Variants in SLC1A7 observed in about 807,000 individuals in gnomAD.
SLC1A7 encodes excitatory amino acid transporter 5.
SLC1A7 carries 40 observed loss-of-function variants against 47.7 expected under a neutral mutation model. That is an observed-to-expected ratio of 0.84 (90% CI 0.65 to 1.09). The LOEUF is 1.09. SLC1A7 is among the 50% of genes least tolerant of loss of function. The pLI is 0.00. For synonymous variants in SLC1A7, 323 were observed against 325.6 expected, an observed-to-expected ratio of 0.99 and a Z score of 0.09; for missense variants, 746 against 769.5, an observed-to-expected ratio of 0.97 and a Z score of 0.36.
chr1:53,090,376 G>A (rs1644406520), intron 8 of SLC1A7: 1 of 620,960 alleles, frequency 1.6e-6, no homozygotes, highest in East Asian at 3.0e-5. Flanking sequence ...TGCCACACGG[G>A]CGGCCTCTCC....
At chr1:53,117,979 T>C (rs1335832382) in intron 2 of SLC1A7, among the ~76,000 whole-genome samples, 1 of 152,132 alleles carries the variant, frequency 6.6e-6, no homozygotes. Context: ...AAGGGAGAGG[T>C]GAGCAGCCGC....
At chr1:53,140,945 A>T (rs1645051017) in intron 1 of SLC1A7, among the ~76,000 whole-genome samples, 1 of 152,184 alleles carries the variant, frequency 6.6e-6, no homozygotes, top group Non-Finnish European at 1.5e-5. Context: ...TTTTAATGGA[A>T]GACAAAGTCT....
At chr1:53,100,261 G>A (rs531378017) in intron 5 of SLC1A7, among the ~76,000 whole-genome samples, 212 of 141,312 alleles carry the variant, frequency 1.5e-3, no homozygotes, top group African/African-American at 5.1e-3. Flanking sequence ...CACACGCACC[G>A]CCTCGGTACA....
chr1:53,131,455 G>A (rs1644941313), intron 2 of SLC1A7, among the ~76,000 whole-genome samples: 1 of 152,258 alleles, frequency 6.6e-6, no homozygotes, highest in Non-Finnish European at 1.5e-5. Context: ...TGCCCAGGCA[G>A]TTAGGACAGT....
chr1:53,136,577 A>AATATATAAACATATATAAT, intron 1 of SLC1A7, among the ~76,000 whole-genome samples: 1 of 137,304 alleles, frequency 7.3e-6, no homozygotes, highest in South Asian at 2.1e-4. Flanking sequence ...AAACATATAT[A>AATATATAAACATATATAAT]ATATATAAAC....
chr1:53,088,803 G>T, intron 10 of SLC1A7, 74 bp downstream of exon 10: 1 of 1,160,852 alleles, frequency 8.6e-7, no homozygotes, highest in Non-Finnish European at 1.3e-6. Context: ...GAGCTGGTTG[G>T]TGGAAGATCT....
rs66541424 is a variant in SLC1A7, at chr1:53,129,185, GA to G, written c.215+5164del. On this transcript the variant is annotated intron_variant, in intron 2 of 10. Coordinates refer to ENST00000371494, the MANE Select transcript of SLC1A7 (RefSeq NM_006671.6). Reference sequence around the variant, plus strand: ...CAGAGTGAGACTATGTCTCAAAAAAGAAAAAAAAAAAGAAAAAAGAAAAACA... The same window carrying G: ...CAGAGTGAGACTATGTCTCAAAAAAGAAAAAAAAAAGAAAAAAGAAAAACA... Among the ~76,000 whole-genome samples the G allele has an allele frequency of 1.7e-4, 21 of 125,904 alleles. 3 individuals carry two copies. Among genetic ancestry groups the G allele is most frequent in the Middle Eastern group, 4.1e-3 (1 of 244 alleles). The allele number at this position is 125,904 out of a possible 152,430, so 82.6% of individuals were successfully genotyped here.
chr1:53,102,770 C>G (rs868776341), intron 5 of SLC1A7: 1 of 152,650 alleles, frequency 6.6e-6, no homozygotes, highest in African/African-American at 2.4e-5. Flanking sequence ...AGGAAACGCA[C>G]GGCTTGGAGG....
In SLC1A7 at chr1:53,142,414, G is replaced by T. The variant is rs558157079; in HGVS notation, c.36C>A (p.Asp12Glu). 5.7e-5 allele frequency: 92 copies of T among 1,611,882 alleles called. No homozygotes were observed. The East Asian group carries it at 2.0e-3, about 36-fold the overall frequency. Residue 12 changes from aspartate to glutamate, a missense_variant, in exon 1 of 11, where the codon GAC becomes GAA. Transcript: ENST00000371494. Reference protein sequence around the residue: ...VPHAILARGRDVCRRNGLLIL... With the variant: ...VPHAILARGREVCRRNGLLIL... ...TGAGGAGTCCATTCCGCCTGCACAC[G>T]TCCCTCCCCCGTGCCAAGATGGCAT...
intron 5 of SLC1A7, among the ~76,000 whole-genome samples, chr1:53,093,888 C>A (rs183510780): frequency 6.6e-6 from 1 of 152,154 alleles, no homozygotes; most frequent in Non-Finnish European, 1.5e-5. Context: ...CAGCCCCACT[C>A]GAGTGGGCCC....
Position 53,103,025 on chromosome 1 carries a change from G to A in SLC1A7, c.697+321C>T, listed in dbSNP as rs117287101. 1.3e-3 allele frequency: 320 copies of A among 252,716 alleles called. 5 individuals are homozygous for A. The East Asian group carries it at 0.021, about 17-fold the overall frequency. The allele number at this position is 252,716 out of a possible 1,614,324, so 15.7% of individuals were successfully genotyped here. On this transcript the variant is annotated intron_variant, in intron 5 of 10. Transcript: ENST00000371494. ...ACACAAAATTTAAAAACCAAGGTGC[G>A]GGCCTCCAAGGGGCTTGCATAGGTG...
intron 2 of SLC1A7, 125 bp downstream of exon 2, chr1:53,134,225 C>T (rs891215564): frequency 1.6e-6 from 1 of 632,930 alleles, no homozygotes; most frequent in East Asian, 2.8e-5. Context: ...ATAAAGGCCC[C>T]ACGGTCACAC....
Position 53,095,231 on chromosome 1 carries a change from T to C in SLC1A7, c.698-1671A>G, listed in dbSNP as rs138532077. On this transcript the variant is annotated intron_variant, in intron 5 of 10. Transcript: ENST00000371494. ...AGGTGCACATAGACACAGGCACAGG[T>C]AAGCCAGGCGCATGCTGATGGGGGA... 2.8e-3 allele frequency among the ~76,000 whole-genome samples: 410 copies of C among 144,830 alleles called. 1 individual carries two copies. Among genetic ancestry groups the C allele is most frequent in the African/African-American group, 9.8e-3 (374 of 38,148 alleles).
intron 5 of SLC1A7, among the ~76,000 whole-genome samples, chr1:53,097,521 C>T (rs943312914): frequency 6.7e-6 from 1 of 150,308 alleles, no homozygotes; most frequent in African/African-American, 2.5e-5. Flanking sequence ...CTCACACACC[C>T]TGCCTTGGTA....
intron 2 of SLC1A7, among the ~76,000 whole-genome samples, chr1:53,118,948 G>A (rs1185344412): frequency 6.6e-6 from 1 of 152,162 alleles, no homozygotes; most frequent in Non-Finnish European, 1.5e-5. Context: ...AGTGAGCTGA[G>A]GCCACGCCAT....
intron 2 of SLC1A7, among the ~76,000 whole-genome samples, chr1:53,129,377 A>G (rs903683364): frequency 3.5e-4 from 54 of 152,134 alleles, no homozygotes; most frequent in African/African-American, 1.3e-3. Context: ...CTAGAGGGTG[A>G]CTCCAAAGCC....
At chr1:53,094,451 C>A (rs1231799688) in intron 5 of SLC1A7, among the ~76,000 whole-genome samples, 1 of 152,206 alleles carries the variant, frequency 6.6e-6, no homozygotes, top group Non-Finnish European at 1.5e-5. Flanking sequence ...TCTACAGCTG[C>A]CCTCATGAGG....
chr1:53,130,690 A>G (rs1307419114), intron 2 of SLC1A7, among the ~76,000 whole-genome samples: 1 of 152,172 alleles, frequency 6.6e-6, no homozygotes, highest in Admixed American at 6.5e-5. Flanking sequence ...GGAGCTCTGA[A>G]AGCAAACCTC....
chr1:53,135,316 A>C (rs12126177), intron 1 of SLC1A7, among the ~76,000 whole-genome samples: 1 of 152,190 alleles, frequency 6.6e-6, no homozygotes, highest in South Asian at 2.1e-4. Context: ...AGAAGTTCCC[A>C]GCCTAGCTGG....
Sources: allele counts gnomAD v4.1 joint callset (sites outside exome capture counted in the v4.1 genomes callset), GRCh38; gene constraint gnomAD v4.1.1; transcripts MANE v1.5; gene names NCBI Gene and HGNC (gene_info 2026-07-23, HGNC 2026-07-21).